The following DACH1 variants were observed in gnomAD, a reference collection of about 807,000 sequenced individuals.
The protein encoded by DACH1 is dachshund homolog 1.
Under a neutral mutation model 54.2 loss-of-function variants are expected in DACH1, and 12 were observed. The observed-to-expected ratio is 0.22, with a 90% CI of 0.14 to 0.36. DACH1 has a LOEUF of 0.36. Ranked by LOEUF, DACH1 falls within the 10% of genes least tolerant of loss-of-function variation. DACH1 has a pLI of 1.00. For missense variants in DACH1, 805 were observed against 929.8 expected, an observed-to-expected ratio of 0.87 and a Z score of 1.75; for synonymous variants, 386 against 366.2, an observed-to-expected ratio of 1.05 and a Z score of -0.62.
At chr13:71,726,703 T>C (rs958204880) in intron 1 of DACH1, among the ~76,000 whole-genome samples, 2 of 152,050 alleles carry the variant, frequency 1.3e-5, no homozygotes, top group African/African-American at 4.8e-5. Context: ...TCTCATTAAG[T>C]ATTGTCTAGA....
chr13:71,441,188 A>G (rs938412880), intron 10 of DACH1, among the ~76,000 whole-genome samples: 16 of 152,054 alleles, frequency 1.1e-4, no homozygotes, highest in Non-Finnish European at 2.2e-4. Context: ...CAGCTAGGTT[A>G]TTTCATCACT....
At chr13:71,825,805 GT>G (rs1888355739) in intron 1 of DACH1, among the ~76,000 whole-genome samples, 1 of 151,928 alleles carries the variant, frequency 6.6e-6, no homozygotes, top group Non-Finnish European at 1.5e-5. Context: ...TATTCAATAT[GT>G]TTCTGATTGA....
intron 1 of DACH1, among the ~76,000 whole-genome samples, chr13:71,692,042 CACACAG>C: frequency 1.3e-5 from 2 of 151,194 alleles, no homozygotes. Context: ...CACACACACA[CACACAG>C]ACACACACAT....
chr13:71,819,637 C>A (rs1484973868), intron 1 of DACH1, among the ~76,000 whole-genome samples: 4 of 152,164 alleles, frequency 2.6e-5, no homozygotes, highest in Non-Finnish European at 4.4e-5. Context: ...AGAATGTACA[C>A]ATTCCATTCT....
chr13:71,720,958 G>A (rs982273283), intron 1 of DACH1, among the ~76,000 whole-genome samples: 3 of 152,042 alleles, frequency 2.0e-5, no homozygotes, highest in African/African-American at 2.4e-5. Flanking sequence ...ATTATAAAAT[G>A]CATTTCTCTC....
intron 4 of DACH1, among the ~76,000 whole-genome samples, chr13:71,565,446 A>T (rs182072512): frequency 6.6e-5 from 10 of 152,288 alleles, no homozygotes; most frequent in Admixed American, 5.9e-4. Flanking sequence ...AAATGTTGTT[A>T]GTGAAATGCA....
intron 6 of DACH1, among the ~76,000 whole-genome samples, chr13:71,497,742 C>T (rs978905088): frequency 4.0e-5 from 3 of 75,226 alleles, no homozygotes; most frequent in Non-Finnish European, 8.8e-5. Flanking sequence ...TATGGACTAA[C>T]CCTGAGTTAG....
At chr13:71,684,755 C>G (rs1030443122) in intron 1 of DACH1, among the ~76,000 whole-genome samples, 1 of 152,114 alleles carries the variant, frequency 6.6e-6, no homozygotes, top group Non-Finnish European at 1.5e-5. Flanking sequence ...AGCTCAGTGT[C>G]TGGTTCACTC....
chr13:71,683,626 C>T (rs17207547), intron 1 of DACH1, among the ~76,000 whole-genome samples: 1,547 of 152,150 alleles, frequency 0.01, 11 homozygotes, highest in Middle Eastern at 0.027. Flanking sequence ...GGGATATTGT[C>T]GTGCTTATTG....
chr13:71,865,907 T>A lies in DACH1; in HGVS notation c.848+15A>T. ...GAAGGGGCGCGGGCGGCGGGGGCTA[T>A]CCCCCCCGACTCACCTTGCGTTGGT... On this transcript the variant is annotated intron_variant, in intron 1 of 10. Transcript: ENST00000613252. 6.3e-7 allele frequency: 1 copy of A among 1,576,970 alleles called. No homozygotes were observed. The highest frequency in any genetic ancestry group is 8.6e-7 in the Non-Finnish European group (1 of 1,160,212).
chr13:71,657,205 T>C (rs921072804), intron 2 of DACH1, among the ~76,000 whole-genome samples: 1 of 151,934 alleles, frequency 6.6e-6, no homozygotes, highest in African/African-American at 2.4e-5. Context: ...AATTACAGTA[T>C]ATAAAATGTC....
Position 71,439,614 on chromosome 13 carries a change from T to C in DACH1, c.*1041A>G, listed in dbSNP as rs1013867758. On this transcript the variant is annotated 3_prime_UTR_variant, in exon 11 of 11. Coordinates refer to ENST00000613252, the MANE Select transcript of DACH1 (RefSeq NM_080759.6). ...GCTTGGGGCACTAGCTAGGGTTCAA[T>C]ATACAAATAAAAGTGGCTGACACAG... The C allele has an allele frequency of 1.3e-5, 2 of 152,422 alleles. No individual in the cohort carries two copies. Among genetic ancestry groups the C allele is most frequent in the Non-Finnish European group, 2.9e-5 (2 of 67,924 alleles). The allele number at this position is 152,422 out of a possible 1,614,324, so 9.4% of individuals were successfully genotyped here. A position where few individuals can be genotyped will look rare whatever the true frequency, so the allele number is the denominator to read the frequency against.
intron 8 of DACH1, among the ~76,000 whole-genome samples, chr13:71,478,394 C>A (rs944849574): frequency 2.0e-5 from 3 of 152,028 alleles, no homozygotes; most frequent in African/African-American, 7.3e-5. Context: ...TTTTAAATGA[C>A]CATTTCAAAC....
chr13:71,494,580 G>A (rs1879253642), intron 6 of DACH1, among the ~76,000 whole-genome samples: 1 of 151,986 alleles, frequency 6.6e-6, no homozygotes, highest in South Asian at 2.1e-4. Flanking sequence ...ATTATGATGG[G>A]TTTTATCAGG....
chr13:71,780,624 C>T (rs1193369900), intron 1 of DACH1, among the ~76,000 whole-genome samples: 1 of 149,016 alleles, frequency 6.7e-6, no homozygotes, highest in African/African-American at 2.5e-5. Context: ...GTAGTCTGGG[C>T]GACAGAGAGA....
intron 1 of DACH1, among the ~76,000 whole-genome samples, chr13:71,744,189 T>G (rs888193058): frequency 2.8e-4 from 43 of 152,166 alleles, no homozygotes; most frequent in African/African-American, 9.4e-4. Context: ...GATTTGGAAA[T>G]AATAATCAAT....
chr13:71,739,376 A>G (rs1884288363), intron 1 of DACH1, among the ~76,000 whole-genome samples: 1 of 152,234 alleles, frequency 6.6e-6, no homozygotes, highest in South Asian at 2.1e-4. Context: ...CAATAGAAAT[A>G]TAATGAAAAC....
chr13:71,837,710 CAT>C (rs1353912397), intron 1 of DACH1, among the ~76,000 whole-genome samples: 5 of 135,456 alleles, frequency 3.7e-5, no homozygotes, highest in East Asian at 7.6e-4. Context: ...TAAAGACACA[CAT>C]GCACACGTAT....
At chr13:71,755,746 T>C (rs576129696) in intron 1 of DACH1, among the ~76,000 whole-genome samples, 1 of 152,344 alleles carries the variant, frequency 6.6e-6, no homozygotes, top group East Asian at 1.9e-4. Flanking sequence ...ACTTGTATAA[T>C]GTCTTCAAAC....
Sources: gnomAD v4.1 joint callset for allele counts (sites outside exome capture counted in the v4.1 genomes callset) on GRCh38, gnomAD v4.1.1 for gene constraint, MANE v1.5 for transcripts, NCBI Gene and HGNC (gene_info 2026-07-23, HGNC 2026-07-21) for gene names.